The following FLI1 variants were observed in gnomAD, a reference collection of about 807,000 sequenced individuals.
FLI1 encodes Fli-1 proto-oncogene, ETS transcription factor, also known as Friend leukemia integration 1 transcription factor.
A neutral mutation model predicts 53.1 loss-of-function variants in FLI1; 13 were observed. The observed-to-expected ratio is 0.24, with a 90% CI of 0.16 to 0.39. The LOEUF (loss-of-function observed/expected upper bound fraction) is 0.39. Among genes scored for constraint, FLI1 ranks in the 10% least tolerant of loss-of-function variants. FLI1 has a pLI of 1.00. For synonymous variants in FLI1, 244 were observed against 236.7 expected, an observed-to-expected ratio of 1.03 and a Z score of -0.28; for missense variants, 424 against 600.5, an observed-to-expected ratio of 0.71 and a Z score of 3.07.
In FLI1 at chr11:128,764,597, A is replaced by G. The variant is rs1197827448; in HGVS notation, c.231-3521A>G. The G allele has an allele frequency of 2.7e-6, 4 of 1,501,236 alleles. No homozygotes were observed. The African/African-American group carries it at 4.1e-5, about 16-fold the overall frequency. 93.0% of individuals were successfully genotyped at this position (1,501,236 alleles called of 1,614,324 possible). On this transcript the variant is annotated intron_variant, in intron 2 of 8. Transcript: ENST00000527786. The stretch of plus-strand genomic sequence containing the variant: ...AGCAGTGCAGGCAAGCTGAATGGCA[A>G]AACCTCGTCCCGCACTCCCCCTCCC...
intron 1 of FLI1, among the ~76,000 whole-genome samples, chr11:128,749,122 C>T (rs1940535548): frequency 1.3e-5 from 2 of 152,246 alleles, no homozygotes; most frequent in African/African-American, 2.4e-5. Flanking sequence ...TGCTTTGTGC[C>T]TCAGTTTCCC....
At chr11:128,788,577 T>A (rs615779) in intron 5 of FLI1, among the ~76,000 whole-genome samples, 58,545 of 151,984 alleles carry the variant, frequency 0.39, 12,234 homozygotes, top group African/African-American at 0.57. Flanking sequence ...ACACACAAGA[T>A]ATTTTCTGAG....
At chr11:128,735,569 G>C (rs2135761673) in intron 1 of FLI1, among the ~76,000 whole-genome samples, 1 of 152,296 alleles carries the variant, frequency 6.6e-6, no homozygotes, top group Non-Finnish European at 1.5e-5. Context: ...AATTCCTTTA[G>C]AGATCAATTT....
At chr11:128,748,265 G>A (rs1457960937) in intron 1 of FLI1, 10 of 984,580 alleles carry the variant, frequency 1.0e-5, no homozygotes, top group South Asian at 4.7e-5. Flanking sequence ...ATCCACTGCT[G>A]AGCCCCCTCC....
intron 1 of FLI1, among the ~76,000 whole-genome samples, chr11:128,714,217 A>C (rs1019474663): frequency 2.6e-5 from 4 of 151,922 alleles, no homozygotes; most frequent in African/African-American, 7.2e-5. Flanking sequence ...AAAAAAAAAA[A>C]AAAAAAAAAC....
intron 1 of FLI1, among the ~76,000 whole-genome samples, chr11:128,707,801 A>C (rs1938615581): frequency 6.6e-6 from 1 of 152,140 alleles, no homozygotes; most frequent in South Asian, 2.1e-4. Flanking sequence ...GCACCCTTTT[A>C]AAAAATTTAA....
chr11:128,777,407 C>G (rs1039694256), intron 4 of FLI1, among the ~76,000 whole-genome samples: 4 of 152,094 alleles, frequency 2.6e-5, no homozygotes, highest in African/African-American at 9.7e-5. Flanking sequence ...ACTGCGCGAC[C>G]GGGAGACCAC....
chr11:128,754,976 C>A (rs1940805345), intron 1 of FLI1, among the ~76,000 whole-genome samples: 1 of 152,204 alleles, frequency 6.6e-6, no homozygotes, highest in African/African-American at 2.4e-5. Context: ...TACACTCTAT[C>A]TCATCACTTG....
Position 128,723,298 on chromosome 11 carries a change from G to A in FLI1, c.18+29022G>A, listed in dbSNP as rs540047209. Among the ~76,000 whole-genome samples the A allele has an allele frequency of 3.9e-5, 6 of 152,264 alleles. No homozygotes were observed. The East Asian group carries it at 9.6e-4, about 24-fold the overall frequency. Reference sequence around the variant, plus strand: ...GGGCTCAGGCAGTGTAGGCGGGATGGAAGCTCCCTGTGGGCTTGGACTCAT... The same window carrying A: ...GGGCTCAGGCAGTGTAGGCGGGATGAAAGCTCCCTGTGGGCTTGGACTCAT... On this transcript the variant is annotated intron_variant, in intron 1 of 8. Coordinates refer to ENST00000527786, the MANE Select transcript of FLI1 (RefSeq NM_002017.5).
intron 1 of FLI1, among the ~76,000 whole-genome samples, chr11:128,721,195 G>A (rs1443410844): frequency 1.3e-5 from 2 of 152,174 alleles, no homozygotes; most frequent in Non-Finnish European, 2.9e-5. Context: ...AGCTGGAATG[G>A]TCAAGCCCTT....
intron 1 of FLI1, among the ~76,000 whole-genome samples, chr11:128,723,625 C>T (rs974958684): frequency 5.3e-5 from 8 of 152,156 alleles, no homozygotes; most frequent in Non-Finnish European, 1.2e-4. Context: ...CTTGAGATTC[C>T]AAAAGTAGAT....
At chr11:128,792,173 TGAAACA>T (rs1352302404) in intron 5 of FLI1, among the ~76,000 whole-genome samples, 5 of 152,318 alleles carry the variant, frequency 3.3e-5, no homozygotes, top group African/African-American at 1.2e-4. Context: ...AAAGCTAGTA[TGAAACA>T]GAAACAGAAG....
At chr11:128,707,070 T>C (rs1004285510) in intron 1 of FLI1, among the ~76,000 whole-genome samples, 5 of 152,010 alleles carry the variant, frequency 3.3e-5, no homozygotes, top group Non-Finnish European at 5.9e-5. Flanking sequence ...ATGGGCACGG[T>C]TGGTGTGCTC....
intron 7 of FLI1, among the ~76,000 whole-genome samples, chr11:128,808,159 G>A (rs1565511499): frequency 6.6e-6 from 1 of 152,144 alleles, no homozygotes; most frequent in Non-Finnish European, 1.5e-5. Context: ...TTATGCATTA[G>A]TCATCACCTG....
intron 1 of FLI1, among the ~76,000 whole-genome samples, chr11:128,737,440 C>T (rs1939957289): frequency 2.0e-5 from 3 of 152,214 alleles, no homozygotes; most frequent in Admixed American, 2.0e-4. Context: ...GTCCTCCTCT[C>T]TAATGTCTAT....
At chr11:128,720,630 A>G (rs947205609) in intron 1 of FLI1, among the ~76,000 whole-genome samples, 3 of 151,946 alleles carry the variant, frequency 2.0e-5, no homozygotes, top group Non-Finnish European at 4.4e-5. Flanking sequence ...GACACCCACA[A>G]CTCTGAATTT....
At chr11:128,801,703 T>A (rs117822271) in intron 5 of FLI1, among the ~76,000 whole-genome samples, 241 of 152,338 alleles carry the variant, frequency 1.6e-3, no homozygotes, top group Non-Finnish European at 3.2e-3. Flanking sequence ...AGTGATATCA[T>A]GAACAATAAG....
chr11:128,729,076 T>C (rs1173613041), intron 1 of FLI1, among the ~76,000 whole-genome samples: 2 of 152,170 alleles, frequency 1.3e-5, no homozygotes, highest in Non-Finnish European at 2.9e-5. Flanking sequence ...GGACGGTCAT[T>C]TGAGTTTCAG....
At chr11:128,755,927 C>T (rs1025642772) in intron 1 of FLI1, among the ~76,000 whole-genome samples, 2 of 152,176 alleles carry the variant, frequency 1.3e-5, no homozygotes, top group African/African-American at 2.4e-5. Flanking sequence ...ATAGAAGAGC[C>T]TCCCTTTTTG....
Sources: allele counts gnomAD v4.1 joint callset (sites outside exome capture counted in the v4.1 genomes callset), GRCh38; gene constraint gnomAD v4.1.1; transcripts MANE v1.5; gene names NCBI Gene and HGNC (gene_info 2026-07-23, HGNC 2026-07-21).